The following CPNE8 variants were observed in gnomAD, a reference collection of about 807,000 sequenced individuals.
The protein encoded by CPNE8 is copine 8.
Under a neutral mutation model 81.5 loss-of-function variants are expected in CPNE8, and 45 were observed. The observed-to-expected ratio is 0.55, with a 90% CI of 0.44 to 0.71. The LOEUF (loss-of-function observed/expected upper bound fraction) is 0.71. Ranked by LOEUF, CPNE8 falls within the 30% of genes least tolerant of loss-of-function variation. The probability of loss-of-function intolerance (pLI) is 0.00; values close to 1 mark genes in which losing one functional copy is unlikely to be tolerated. For missense variants in CPNE8, 594 were observed against 672.1 expected, an observed-to-expected ratio of 0.88 and a Z score of 1.28; for synonymous variants, 252 against 226.3, an observed-to-expected ratio of 1.11 and a Z score of -1.02.
chr12:38,696,621 A>G (rs981674611), intron 14 of CPNE8, among the ~76,000 whole-genome samples: 2 of 152,216 alleles, frequency 1.3e-5, no homozygotes, highest in African/African-American at 2.4e-5. Context: ...GTTATACCCA[A>G]TATTATCAAA....
At chr12:38,669,635 A>G (rs1432853981) in intron 19 of CPNE8, among the ~76,000 whole-genome samples, 1 of 152,158 alleles carries the variant, frequency 6.6e-6, no homozygotes, top group Non-Finnish European at 1.5e-5. Flanking sequence ...TTTTAAGGAA[A>G]TTACTTCTCT....
Position 38,775,714 on chromosome 12 carries a change from T to TG in CPNE8, c.471+523_471+524insC, listed in dbSNP as rs1237661529. ...TTCTAAAAATACAGAGTATGCACTCTCTGTAGTCATACTGCTAGCTGTAGT... is the reference window on the plus strand; with the variant it reads ...TTCTAAAAATACAGAGTATGCACTCTGCTGTAGTCATACTGCTAGCTGTAGT... On this transcript the variant is annotated intron_variant, in intron 7 of 19. Coordinates refer to ENST00000331366, the MANE Select transcript of CPNE8 (RefSeq NM_153634.3). Among the ~76,000 whole-genome samples the TG allele has an allele frequency of 3.9e-5, 6 of 152,170 alleles. No individual in the cohort carries two copies. In the East Asian group the frequency reaches 7.7e-4, roughly 20 times the overall value.
rs1938755962 is a variant in CPNE8, at chr12:38,653,708, T to A, written c.*174A>T. On this transcript the variant is annotated 3_prime_UTR_variant, in exon 20 of 20. Transcript: ENST00000331366. ...TTTTCTGTTGCTCATGCAACAACCATATTTACAGTTTTGGTTTAGGAAGAT... is the reference window on the plus strand; with the variant it reads ...TTTTCTGTTGCTCATGCAACAACCAAATTTACAGTTTTGGTTTAGGAAGAT... 2 of 865,768 alleles carry A rather than the reference T, an allele frequency of 2.3e-6. No individual in the cohort carries two copies. The highest frequency in any genetic ancestry group is 1.6e-6 in the Non-Finnish European group (1 of 634,926). 53.6% of individuals were successfully genotyped at this position (865,768 alleles called of 1,614,324 possible). A position where few individuals can be genotyped will look rare whatever the true frequency, so the allele number is the denominator to read the frequency against.
Position 38,803,436 on chromosome 12 carries a change from A to G in CPNE8, c.407+25943T>C, listed in dbSNP as rs1002545192. 2.7e-3 allele frequency among the ~76,000 whole-genome samples: 407 copies of G among 150,482 alleles called. 2 individuals carry two copies. Among genetic ancestry groups the G allele is most frequent in the African/African-American group, 9.4e-3 (387 of 41,068 alleles). On this transcript the variant is annotated intron_variant, in intron 6 of 19. Transcript: ENST00000331366. ...TGATTATCTCAATAGATGCAGAAAA[A>G]GCCTTTGACAAAATTCAACAACCCT...
intron 6 of CPNE8, among the ~76,000 whole-genome samples, chr12:38,794,050 C>T (rs1188172227): frequency 6.6e-6 from 1 of 152,056 alleles, no homozygotes; most frequent in African/African-American, 2.4e-5. Flanking sequence ...TTACACTATA[C>T]ACAAAAATAA....
intron 6 of CPNE8, among the ~76,000 whole-genome samples, chr12:38,811,108 T>C (rs1471604531): frequency 6.6e-6 from 1 of 152,110 alleles, no homozygotes; most frequent in African/African-American, 2.4e-5. Flanking sequence ...ACCACATAGC[T>C]AAGATCATGA....
At chr12:38,882,534 G>A (rs958146942) in intron 1 of CPNE8, among the ~76,000 whole-genome samples, 8 of 152,098 alleles carry the variant, frequency 5.3e-5, no homozygotes, top group African/African-American at 1.7e-4. Flanking sequence ...CACAGGAAAC[G>A]AGTACAGCCA....
intron 3 of CPNE8, among the ~76,000 whole-genome samples, chr12:38,857,915 G>A (rs752912903): frequency 2.6e-5 from 4 of 152,092 alleles, no homozygotes; most frequent in Non-Finnish European, 5.9e-5. Context: ...TAAATAAGAG[G>A]CTTAATTCTC....
chr12:38,814,765 C>T (rs1006632301), intron 6 of CPNE8, among the ~76,000 whole-genome samples: 9 of 151,998 alleles, frequency 5.9e-5, no homozygotes, highest in Non-Finnish European at 1.2e-4. Flanking sequence ...ATTTCATATT[C>T]TATACTAGAT....
intron 6 of CPNE8, among the ~76,000 whole-genome samples, chr12:38,799,719 T>C (rs1338795405): frequency 1.3e-5 from 2 of 149,148 alleles, no homozygotes; most frequent in African/African-American, 4.9e-5. Context: ...AGAAGACGGG[T>C]GATTTCTGCA....
At chr12:38,767,053 C>CT (rs1314024975) in intron 8 of CPNE8, among the ~76,000 whole-genome samples, 16 of 151,998 alleles carry the variant, frequency 1.1e-4, no homozygotes, top group Non-Finnish European at 2.4e-4. Flanking sequence ...AACATTCTCA[C>CT]AAATACTAAT....
chr12:38,848,617 C>A lies in CPNE8; in HGVS notation c.232G>T (p.Val78Leu), dbSNP rs1473932070. 1.9e-6 allele frequency: 3 copies of A among 1,594,758 alleles called. No homozygotes were observed. The highest frequency in any genetic ancestry group is 3.7e-5 in the Admixed American group (2 of 54,392). The stretch of plus-strand genomic sequence containing the variant: ...AAGTAGTCCAGAATAAACTTTCTTA[C>A]AAAATCAGGATTTAAAGTATTATCA... ...VIDNTLNPDF[V>L]RKFILDYFFE... Residue 78 changes from valine to leucine, a missense_variant, in exon 4 of 20, where the codon GTA (valine) becomes TTA (leucine). Physicochemically the swap from Val to Leu is conservative, Grantham distance 32 (BLOSUM62 1). Coordinates refer to ENST00000331366, the MANE Select transcript of CPNE8 (RefSeq NM_153634.3).
intron 6 of CPNE8, among the ~76,000 whole-genome samples, chr12:38,803,638 G>T (rs1374989515): frequency 6.8e-6 from 1 of 147,938 alleles, no homozygotes; most frequent in African/African-American, 2.5e-5. Flanking sequence ...ATTCAACATA[G>T]TGTTGGAAGT....
intron 1 of CPNE8, among the ~76,000 whole-genome samples, chr12:38,889,642 G>A (rs1944282953): frequency 6.6e-6 from 1 of 152,164 alleles, no homozygotes; most frequent in East Asian, 1.9e-4. Context: ...TGCCCTTTTT[G>A]AGTACAACTC....
At chr12:38,882,739 C>G (rs1944179709) in intron 1 of CPNE8, among the ~76,000 whole-genome samples, 1 of 152,202 alleles carries the variant, frequency 6.6e-6, no homozygotes, top group African/African-American at 2.4e-5. Flanking sequence ...TGAGCACCTG[C>G]CACATTCTGA....
intron 3 of CPNE8, among the ~76,000 whole-genome samples, chr12:38,858,387 G>T: frequency 6.6e-6 from 1 of 152,186 alleles, no homozygotes; most frequent in East Asian, 1.9e-4. Context: ...TTTTATTAAA[G>T]TGTCAGTCTA....
chr12:38,760,911 C>A, intron 9 of CPNE8, 23 bp from the exon 10 acceptor site: 1 of 1,522,920 alleles, frequency 6.6e-7, no homozygotes. Flanking sequence ...AAAACATACA[C>A]ATAAAGTTAC....
intron 3 of CPNE8, among the ~76,000 whole-genome samples, chr12:38,849,368 A>T (rs1425682303): frequency 6.6e-6 from 1 of 152,162 alleles, no homozygotes; most frequent in Non-Finnish European, 1.5e-5. Flanking sequence ...ATAGAGCACA[A>T]ATATAAAATT....
chr12:38,816,367 T>C (rs115933152), intron 6 of CPNE8, among the ~76,000 whole-genome samples: 51 of 152,296 alleles, frequency 3.3e-4, no homozygotes, highest in African/African-American at 1.2e-3. Flanking sequence ...CTCTTTACAA[T>C]TGTTCTATAA....
Sources: allele counts gnomAD v4.1 joint callset (sites outside exome capture counted in the v4.1 genomes callset), GRCh38; gene constraint gnomAD v4.1.1; transcripts MANE v1.5; gene names NCBI Gene and HGNC (gene_info 2026-07-23, HGNC 2026-07-21).